Variants in SIAH3 observed in about 807,000 individuals in gnomAD.
SIAH3 encodes seven in absentia homolog 3.
SIAH3 carries 9 observed loss-of-function variants against 12.6 expected under a neutral mutation model. That is an observed-to-expected ratio of 0.72 (90% CI 0.43 to 1.25). The LOEUF (loss-of-function observed/expected upper bound fraction) is 1.25. Among genes scored for constraint, SIAH3 ranks in the 50% most tolerant of loss-of-function variants. The probability of loss-of-function intolerance (pLI) is 0.00; values close to 1 mark genes in which losing one functional copy is unlikely to be tolerated. For missense variants in SIAH3, 390 were observed against 365.4 expected (o/e 1.07, Z -0.55); for synonymous variants, 154 against 151.1 (o/e 1.02, Z -0.14).
At chr13:45,819,512 G>GA (rs1023950871) in intron 1 of SIAH3, among the ~76,000 whole-genome samples, 3 of 152,102 alleles carry the variant, frequency 2.0e-5, no homozygotes, top group Admixed American at 6.5e-5. Context: ...GCAAATTAGG[G>GA]AAAAAAACAG....
chr13:45,849,580 TGGA>T (rs1171044888), intron 1 of SIAH3, among the ~76,000 whole-genome samples: 1 of 151,764 alleles, frequency 6.6e-6, no homozygotes, highest in East Asian at 1.9e-4. Flanking sequence ...CTCAAAGAGG[TGGA>T]GGAGGAGTTC....
At chr13:45,818,441 C>T (rs1447176452) in intron 1 of SIAH3, among the ~76,000 whole-genome samples, 1 of 152,120 alleles carries the variant, frequency 6.6e-6, no homozygotes, top group Non-Finnish European at 1.5e-5. Context: ...AACTTGGTGG[C>T]ATAAAAAACA....
chr13:45,847,648 T>C (rs911327835), intron 1 of SIAH3, among the ~76,000 whole-genome samples: 3 of 150,514 alleles, frequency 2.0e-5, no homozygotes, highest in Non-Finnish European at 3.0e-5. Context: ...TGTGTGTGTG[T>C]GCACGTGTGT....
intron 1 of SIAH3, among the ~76,000 whole-genome samples, chr13:45,808,630 T>C (rs1950606136): frequency 1.3e-5 from 2 of 152,240 alleles, no homozygotes; most frequent in South Asian, 4.1e-4. Context: ...ATTGTATATT[T>C]TGTTATTATT....
intron 1 of SIAH3, among the ~76,000 whole-genome samples, chr13:45,810,934 T>C (rs1234393864): frequency 1.3e-5 from 2 of 152,172 alleles, no homozygotes; most frequent in African/African-American, 4.8e-5. Flanking sequence ...TGCATACCCA[T>C]ATCTGTTGGT....
chr13:45,830,972 A>C (rs984479523), intron 1 of SIAH3, among the ~76,000 whole-genome samples: 2 of 152,094 alleles, frequency 1.3e-5, no homozygotes, highest in Non-Finnish European at 2.9e-5. Flanking sequence ...TGAGGTTAGG[A>C]GCTCCAGACC....
intron 1 of SIAH3, among the ~76,000 whole-genome samples, chr13:45,811,923 T>C (rs1950617717): frequency 6.6e-6 from 1 of 152,042 alleles, no homozygotes; most frequent in African/African-American, 2.4e-5. Context: ...TTCAGCCTGG[T>C]TTAGTTATGA....
chr13:45,806,512 A>C (rs1378714351), intron 1 of SIAH3, among the ~76,000 whole-genome samples: 1 of 152,206 alleles, frequency 6.6e-6, no homozygotes, highest in East Asian at 1.9e-4. Context: ...AGGGAGCTAA[A>C]CATTGAGTAC....
chr13:45,837,914 CT>C, intron 1 of SIAH3, among the ~76,000 whole-genome samples: 1 of 152,176 alleles, frequency 6.6e-6, no homozygotes, highest in Non-Finnish European at 1.5e-5. Flanking sequence ...GTGGACTTTT[CT>C]TTTCTACTAA....
chr13:45,799,182 T>A (rs1450355699), intron 1 of SIAH3, among the ~76,000 whole-genome samples: 1 of 152,128 alleles, frequency 6.6e-6, no homozygotes, highest in African/African-American at 2.4e-5. Flanking sequence ...AATTGAGGCA[T>A]AAAGAGGCGG....
chr13:45,819,086 T>G (rs978845926), intron 1 of SIAH3, among the ~76,000 whole-genome samples: 1 of 152,044 alleles, frequency 6.6e-6, no homozygotes, highest in African/African-American at 2.4e-5. Flanking sequence ...GGCTGCAGTG[T>G]GCTTGTGATG....
intron 1 of SIAH3, among the ~76,000 whole-genome samples, chr13:45,847,394 C>T (rs1950763910): frequency 6.6e-6 from 1 of 152,176 alleles, no homozygotes; most frequent in African/African-American, 2.4e-5. Flanking sequence ...CAAAGGTGGG[C>T]ACACATCTCA....
At chr13:45,842,245 G>A (rs1950742603) in intron 1 of SIAH3, among the ~76,000 whole-genome samples, 2 of 152,160 alleles carry the variant, frequency 1.3e-5, no homozygotes, top group Admixed American at 1.3e-4. Context: ...TTGTGCATCA[G>A]GTAACATCTC....
Position 45,821,162 on chromosome 13 carries a change from G to A in SIAH3, c.135+30333C>T, listed in dbSNP as rs116862112. ...GGTGGGCCCTAATCTAATATGACTG[G>A]TGTCTTTGTAAAAAGTGGAATTTGG... On this transcript the variant is annotated intron_variant, in intron 1 of 1. Transcript: ENST00000400405. 3.5e-3 allele frequency among the ~76,000 whole-genome samples: 539 copies of A among 152,296 alleles called. 1 individual carries two copies. The highest frequency in any genetic ancestry group is 5.7e-3 in the Non-Finnish European group (391 of 68,028).
intron 1 of SIAH3, among the ~76,000 whole-genome samples, chr13:45,818,478 G>A (rs1777986158): frequency 6.6e-6 from 1 of 152,204 alleles, no homozygotes; most frequent in Non-Finnish European, 1.5e-5. Flanking sequence ...GAGTTTTGAA[G>A]GCCAGAAGTC....
At chr13:45,842,042 G>T (rs576528147) in intron 1 of SIAH3, among the ~76,000 whole-genome samples, 3 of 152,188 alleles carry the variant, frequency 2.0e-5, no homozygotes, top group Non-Finnish European at 2.9e-5. Flanking sequence ...TCATCCCCTT[G>T]AGCCACATTT....
chr13:45,800,956 C>A (rs559896221), intron 1 of SIAH3, among the ~76,000 whole-genome samples: 20 of 152,258 alleles, frequency 1.3e-4, no homozygotes, highest in African/African-American at 4.8e-4. Flanking sequence ...CTCGCTTCCA[C>A]AATGATCCCA....
intron 1 of SIAH3, among the ~76,000 whole-genome samples, chr13:45,792,973 G>A (rs1200486938): frequency 6.6e-6 from 1 of 152,202 alleles, no homozygotes; most frequent in Non-Finnish European, 1.5e-5. Flanking sequence ...TAATTGGCAA[G>A]TGAAACCTGG....
chr13:45,831,922 T>A (rs1318765614), intron 1 of SIAH3, among the ~76,000 whole-genome samples: 1 of 152,170 alleles, frequency 6.6e-6, no homozygotes, highest in Non-Finnish European at 1.5e-5. Flanking sequence ...AAAAGGAACA[T>A]AGGTCCTTGA....
Sources: gnomAD v4.1 joint callset for allele counts (sites outside exome capture counted in the v4.1 genomes callset) on GRCh38, gnomAD v4.1.1 for gene constraint, MANE v1.5 for transcripts, NCBI Gene and HGNC (gene_info 2026-07-23, HGNC 2026-07-21) for gene names.